Variants in NTRK2 observed in about 807,000 individuals in gnomAD.
The protein encoded by NTRK2 is BDNF/NT-3 growth factors receptor.
Under a neutral mutation model 94.5 loss-of-function variants are expected in NTRK2, and 13 were observed. That is an observed-to-expected ratio of 0.14 (90% CI 0.09 to 0.22). The LOEUF (loss-of-function observed/expected upper bound fraction) is 0.22. Ranked by LOEUF, NTRK2 falls within the 10% of genes least tolerant of loss-of-function variation. The pLI is 1.00. For synonymous variants in NTRK2, 372 were observed against 407.4 expected (o/e 0.91, Z 1.05); for missense variants, 639 against 1,071.2 (o/e 0.60, Z 5.63).
chr9:84,765,157 A>T (rs577077832), intron 12 of NTRK2, among the ~76,000 whole-genome samples: 1 of 152,296 alleles, frequency 6.6e-6, no homozygotes, highest in African/African-American at 2.4e-5. Flanking sequence ...CAACAGAGTG[A>T]CTATAGTCAA....
intron 2 of NTRK2, 93 bp downstream of exon 2, chr9:84,671,053 GA>G: frequency 8.4e-7 from 1 of 1,191,834 alleles, no homozygotes; most frequent in Non-Finnish European, 1.2e-6. Flanking sequence ...GCTGTCCCAA[GA>G]GTGGGGAGAA....
intron 13 of NTRK2, among the ~76,000 whole-genome samples, chr9:84,864,541 G>C (rs561800114): frequency 9.1e-4 from 138 of 152,194 alleles, no homozygotes; most frequent in African/African-American, 3.2e-3. Flanking sequence ...TGCATTTCTG[G>C]GGGTAAAGGT....
chr9:84,892,600 A>T (rs1335571836), intron 14 of NTRK2, among the ~76,000 whole-genome samples: 2 of 152,250 alleles, frequency 1.3e-5, no homozygotes, highest in Non-Finnish European at 2.9e-5. Context: ...AAAACAGGAC[A>T]CTTCAAGTAC....
intron 14 of NTRK2, among the ~76,000 whole-genome samples, chr9:84,905,275 GGTGTGTGTGT>G (rs58470162): frequency 3.0e-4 from 45 of 147,962 alleles, no homozygotes; most frequent in African/African-American, 1.1e-3. Context: ...GGTTTTAGAG[GGTGTGTGTGT>G]GTGTGTGTGT....
chr9:84,883,427 C>A (rs995880092), intron 14 of NTRK2, among the ~76,000 whole-genome samples: 1 of 152,110 alleles, frequency 6.6e-6, no homozygotes, highest in African/African-American at 2.4e-5. Context: ...TTCACTCATG[C>A]GGGTTTAGGG....
At chr9:84,819,084 C>G (rs1000905874) in intron 12 of NTRK2, among the ~76,000 whole-genome samples, 3 of 152,158 alleles carry the variant, frequency 2.0e-5, no homozygotes, top group Non-Finnish European at 4.4e-5. Context: ...AAATCTCTGC[C>G]TGACCATAAA....
intron 14 of NTRK2, among the ~76,000 whole-genome samples, chr9:84,931,320 T>C (rs2078017949): frequency 6.6e-6 from 1 of 151,764 alleles, no homozygotes; most frequent in African/African-American, 2.4e-5. Context: ...GGCAGAAGAA[T>C]TGCTTGAACC....
intron 14 of NTRK2, chr9:84,876,441 CAA>C (rs1431027428): frequency 1.9e-6 from 2 of 1,055,080 alleles, no homozygotes; most frequent in East Asian, 1.1e-4. Context: ...CTGCAACACC[CAA>C]AGAGTTTACT....
chr9:84,697,906 GTC>G (rs1187878238), intron 2 of NTRK2, among the ~76,000 whole-genome samples: 3 of 152,072 alleles, frequency 2.0e-5, no homozygotes, highest in Non-Finnish European at 1.5e-5. Context: ...GGTTGTTGCA[GTC>G]TCTGTCTCTC....
chr9:84,920,234 T>C (rs1393974428), intron 14 of NTRK2, among the ~76,000 whole-genome samples: 5 of 152,172 alleles, frequency 3.3e-5, no homozygotes, highest in African/African-American at 1.2e-4. Flanking sequence ...CAAATACTGT[T>C]GGTTGACTGA....
At position 84,948,471 on chromosome 9, in the gene NTRK2, G is replaced by T. The variant is rs1393774313; in HGVS notation, c.1774G>T (p.Asp592Tyr). The T allele has an allele frequency of 6.2e-7, 1 of 1,614,086 alleles. No individual in the cohort carries two copies. Among genetic ancestry groups the T allele is most frequent in the Non-Finnish European group, 8.5e-7 (1 of 1,180,008 alleles). The change falls in exon 16 of 19, where the codon GAT (aspartate) becomes TAT (tyrosine). Residue 592 changes from aspartate (D) to tyrosine (Y), a missense_variant. Asp to Tyr is a radical substitution (Grantham distance 160). Around this residue, in one of 5 missense-constraint regions of NTRK2, gnomAD observed 343 missense variants for 571.5 expected, o/e 0.60. Transcript: ENST00000277120. ...KILVAVKTLK[D>Y]ASDNARKDFH... ...TAACACCCATCCCCAGACCCTGAAG[G>T]ATGCCAGTGACAATGCACGCAAGGA...
chr9:84,918,745 C>A (rs1029911503), intron 14 of NTRK2, among the ~76,000 whole-genome samples: 1 of 152,168 alleles, frequency 6.6e-6, no homozygotes, highest in Admixed American at 6.5e-5. Context: ...ATAATTCTTT[C>A]GTTCCGATTA....
chr9:84,742,523 G>A (rs2063724561), intron 10 of NTRK2, among the ~76,000 whole-genome samples: 2 of 152,296 alleles, frequency 1.3e-5, no homozygotes, highest in South Asian at 2.1e-4. Context: ...AGAAAGGGAA[G>A]CGCTCCTGAA....
intron 12 of NTRK2, among the ~76,000 whole-genome samples, chr9:84,808,058 G>A (rs2071328229): frequency 6.6e-6 from 1 of 152,142 alleles, no homozygotes; most frequent in South Asian, 2.1e-4. Flanking sequence ...TGGGCGTGTG[G>A]AGCTGAGATC....
At chr9:85,012,327 T>G (rs1458513933) in intron 17 of NTRK2, among the ~76,000 whole-genome samples, 1 of 152,084 alleles carries the variant, frequency 6.6e-6, no homozygotes, top group Non-Finnish European at 1.5e-5. Context: ...AAGTATAATA[T>G]GCCCATAGTA....
intron 14 of NTRK2, among the ~76,000 whole-genome samples, chr9:84,891,822 C>T (rs2076603716): frequency 6.6e-6 from 1 of 152,138 alleles, no homozygotes; most frequent in African/African-American, 2.4e-5. Context: ...GGGAAAGACC[C>T]TGTTTTATTA....
At chr9:84,694,220 A>C (rs2060223334) in intron 2 of NTRK2, among the ~76,000 whole-genome samples, 1 of 152,160 alleles carries the variant, frequency 6.6e-6, no homozygotes, top group African/African-American at 2.4e-5. Flanking sequence ...TGGCATGGCG[A>C]GGCCCCAGTT....
At chr9:84,989,721 C>A (rs925777856) in intron 17 of NTRK2, among the ~76,000 whole-genome samples, 7 of 152,224 alleles carry the variant, frequency 4.6e-5, no homozygotes, top group Non-Finnish European at 1.0e-4. Flanking sequence ...AGCCTTCCGA[C>A]TCCTTGTCCA....
chr9:85,000,657 C>T (rs1395140415), intron 17 of NTRK2, among the ~76,000 whole-genome samples: 4 of 152,254 alleles, frequency 2.6e-5, no homozygotes, highest in Middle Eastern at 3.4e-3. Context: ...TTTATCCATT[C>T]GCCTACTGAA....
Sources: allele counts gnomAD v4.1 joint callset (sites outside exome capture counted in the v4.1 genomes callset), GRCh38; gene constraint gnomAD v4.1.1; regional missense constraint gnomAD v4.1.1; transcripts MANE v1.5; gene names NCBI Gene and HGNC (gene_info 2026-07-23, HGNC 2026-07-21).